CFAP77: variants seen among roughly 807,000 people sequenced by gnomAD.
CFAP77 encodes cilia- and flagella-associated protein 77.
In CFAP77, 25 loss-of-function variants were observed where a neutral mutation model predicts 31.1. The ratio of observed to expected loss-of-function variants is 0.80; its 90% CI spans 0.59 to 1.12. The LOEUF is 1.12. Ranked by LOEUF, CFAP77 falls within the 50% of genes most tolerant of loss-of-function variation. CFAP77 has a pLI of 0.00. For missense variants in CFAP77, 377 were observed against 397.3 expected, an observed-to-expected ratio of 0.95 and a Z score of 0.44; for synonymous variants, 151 against 159.9, an observed-to-expected ratio of 0.94 and a Z score of 0.42.
At chr9:132,438,541 A>ATATATATATATATATATTTTT in intron 1 of CFAP77, among the ~76,000 whole-genome samples, 7 of 108,122 alleles carry the variant, frequency 6.5e-5, no homozygotes, top group Non-Finnish European at 1.1e-4. Flanking sequence ...ATATATATAT[A>ATATATATATATATATATTTTT]TTTTTTTTTT....
chr9:132,436,633 GA>G (rs1188932676), intron 1 of CFAP77, among the ~76,000 whole-genome samples: 1 of 151,770 alleles, frequency 6.6e-6, no homozygotes, highest in Non-Finnish European at 1.5e-5. Context: ...GAACAGTCAG[GA>G]AAAAAAATAC....
At chr9:132,526,514 G>C (rs1852366392) in intron 3 of CFAP77, among the ~76,000 whole-genome samples, 1 of 151,262 alleles carries the variant, frequency 6.6e-6, no homozygotes, top group Non-Finnish European at 1.5e-5. Context: ...TTACAGGCAT[G>C]AGCCACAGCG....
At position 132,501,041 on chromosome 9, in the gene CFAP77, G is replaced by C. The variant is rs946368107; in HGVS notation, c.524+1441G>C. 6.6e-6 allele frequency among the ~76,000 whole-genome samples: 1 copy of C among 152,252 alleles called. No individual in the cohort carries two copies. Among genetic ancestry groups the C allele is most frequent in the Non-Finnish European group, 1.5e-5 (1 of 68,052 alleles). On this transcript the variant is annotated intron_variant, in intron 3 of 5. Coordinates refer to ENST00000393216, the MANE Select transcript of CFAP77 (RefSeq NM_001282957.2). The surrounding 1 kb of genome is among the most constrained non-coding windows in gnomAD (Gnocchi z 4.6). ...AGAGTTATCTTGCTAACACACAGATGAAATGAGCCAGACATGACCCATGTC... is the reference window on the plus strand; with the variant it reads ...AGAGTTATCTTGCTAACACACAGATCAAATGAGCCAGACATGACCCATGTC...
At chr9:132,548,286 G>GGGGGGGGGGGGGGGGGGGCC (rs1564248910) in intron 5 of CFAP77, among the ~76,000 whole-genome samples, 1 of 128,890 alleles carries the variant, frequency 7.8e-6, no homozygotes, top group African/African-American at 2.9e-5. Flanking sequence ...GGGGGGTGGG[G>GGGGGGGGGGGGGGGGGGGCC]GGTGAAGCTG....
At chr9:132,519,370 G>A (rs1852208008) in intron 3 of CFAP77, among the ~76,000 whole-genome samples, 1 of 146,446 alleles carries the variant, frequency 6.8e-6, no homozygotes, top group African/African-American at 2.5e-5. Flanking sequence ...ATGGTTGGGT[G>A]GATGGATGGA....
intron 1 of CFAP77, chr9:132,482,244 G>A: frequency 9.9e-7 from 1 of 1,008,772 alleles, no homozygotes; most frequent in Non-Finnish European, 1.5e-6. Context: ...CTCAGGGTCT[G>A]CTGGCTGTGA....
intron 3 of CFAP77, among the ~76,000 whole-genome samples, chr9:132,534,808 T>A (rs1263416454): frequency 6.6e-6 from 1 of 152,194 alleles, no homozygotes; most frequent in Non-Finnish European, 1.5e-5. Context: ...CCATATGTCA[T>A]ATAGAGAGTG....
intron 1 of CFAP77, among the ~76,000 whole-genome samples, chr9:132,465,288 T>C (rs1851133723): frequency 1.3e-5 from 2 of 152,128 alleles, no homozygotes; most frequent in Non-Finnish European, 2.9e-5. Context: ...CTACTGAAAT[T>C]CATTAGTCAT....
intron 5 of CFAP77, among the ~76,000 whole-genome samples, chr9:132,549,873 T>C (rs1242413680): frequency 5.9e-5 from 9 of 152,086 alleles, no homozygotes; most frequent in South Asian, 2.1e-4. Flanking sequence ...AGGAGCTTAA[T>C]TGGTTTTACA....
chr9:132,433,971 T>A (rs1453386289), intron 1 of CFAP77, among the ~76,000 whole-genome samples: 5 of 129,934 alleles, frequency 3.8e-5, no homozygotes, highest in African/African-American at 5.7e-5. Flanking sequence ...ACCCCATGTG[T>A]AAAAAAAAAA....
chr9:132,549,760 G>A (rs1394024175), intron 5 of CFAP77, among the ~76,000 whole-genome samples: 4 of 152,180 alleles, frequency 2.6e-5, no homozygotes, highest in African/African-American at 9.7e-5. Context: ...AATCGCTTGA[G>A]CCACGGAGGT....
intron 3 of CFAP77, among the ~76,000 whole-genome samples, chr9:132,521,762 C>CT (rs774087426): frequency 0.21 from 13,156 of 62,496 alleles, 2,613 homozygotes; most frequent in African/African-American, 0.39. Context: ...AATAGACTTG[C>CT]TTTTTTTTTT....
chr9:132,536,054 G>C (rs1324468715), intron 3 of CFAP77, among the ~76,000 whole-genome samples: 1 of 151,874 alleles, frequency 6.6e-6, no homozygotes. Flanking sequence ...ATATGTATAT[G>C]CATCATATAT....
In CFAP77 at chr9:132,561,663, C is replaced by CACA. The variant is rs1564253366; in HGVS notation, c.733-10725_733-10724insACA. 3.9e-3 allele frequency among the ~76,000 whole-genome samples: 200 copies of CACA among 50,742 alleles called. 5 individuals are homozygous for CACA. Among genetic ancestry groups the CACA allele is most frequent in the East Asian group, 0.01 (24 of 2,318 alleles). The allele number at this position is 50,742 out of a possible 152,430, so 33.3% of individuals were successfully genotyped here. ...CACACACACACACACACACACACAC[C>CACA]CCCTCCATGTGTCTCTGGGATGGGT... On this transcript the variant is annotated intron_variant, in intron 5 of 5. Coordinates refer to ENST00000393216, the MANE Select transcript of CFAP77 (RefSeq NM_001282957.2).
At chr9:132,443,473 G>A (rs542162457) in intron 1 of CFAP77, among the ~76,000 whole-genome samples, 27 of 152,016 alleles carry the variant, frequency 1.8e-4, no homozygotes, top group Middle Eastern at 3.2e-3. Context: ...GGCTGGTCTC[G>A]AACTCCCGAA....
intron 1 of CFAP77, among the ~76,000 whole-genome samples, chr9:132,442,584 T>G (rs1168813547): frequency 6.6e-6 from 1 of 152,070 alleles, no homozygotes; most frequent in East Asian, 1.9e-4. Flanking sequence ...TAATTTATGC[T>G]GCATCATTTT....
intron 3 of CFAP77, among the ~76,000 whole-genome samples, chr9:132,518,986 G>A (rs1401875322): frequency 6.6e-6 from 1 of 152,166 alleles, no homozygotes; most frequent in Non-Finnish European, 1.5e-5. Context: ...TCTGTAAAGT[G>A]AGGATATTGA....
chr9:132,529,671 A>G (rs1003096694), intron 3 of CFAP77, among the ~76,000 whole-genome samples: 4 of 151,874 alleles, frequency 2.6e-5, no homozygotes, highest in African/African-American at 7.2e-5. Flanking sequence ...CTAAAAATGC[A>G]AAATATTAGC....
intron 1 of CFAP77, among the ~76,000 whole-genome samples, chr9:132,410,743 G>A (rs11795094): frequency 0.6 from 91,688 of 152,158 alleles, 33,227 homozygotes; most frequent in Non-Finnish European, 0.81. Context: ...CCTCGGGACA[G>A]CGCCTGACAT....
Sources: gnomAD v4.1 joint callset for allele counts (sites outside exome capture counted in the v4.1 genomes callset) on GRCh38, gnomAD v4.1.1 for gene constraint, Gnocchi (gnomAD v3.1) non-coding constraint, MANE v1.5 for transcripts, NCBI Gene and HGNC (gene_info 2026-07-23, HGNC 2026-07-21) for gene names.